Variants in FBXW4 observed in about 807,000 individuals in gnomAD.
FBXW4 encodes the protein F-box/WD repeat-containing protein 4.
Under a neutral mutation model 61.8 loss-of-function variants are expected in FBXW4, and 40 were observed. That is an observed-to-expected ratio of 0.65 (90% CI 0.50 to 0.84). The LOEUF is 0.84. Among genes scored for constraint, FBXW4 ranks in the 40% least tolerant of loss-of-function variants. FBXW4 has a pLI of 0.00. For missense variants in FBXW4, 672 were observed against 753.8 expected (o/e 0.89, Z 1.27); for synonymous variants, 311 against 313.8 (o/e 0.99, Z 0.10).
At chr10:101,618,510 T>C (rs1326884119) in intron 6 of FBXW4, among the ~76,000 whole-genome samples, 1 of 152,044 alleles carries the variant, frequency 6.6e-6, no homozygotes. Context: ...CCTGCCTTTG[T>C]TGAGAAAAGG....
rs953255673 is a variant in FBXW4 at position 101,673,463 on chromosome 10, G to A, written c.1007+25C>T. 11 of 1,612,062 alleles carry A rather than the reference G, an allele frequency of 6.8e-6. No individual in the cohort carries two copies. The Admixed American group carries it at 1.2e-4, about 17-fold the overall frequency. On this transcript the variant is annotated intron_variant, in intron 3 of 8. Transcript: ENST00000331272. ...CCCGAAGTATAAGATGGAAAAGGGT[G>A]GAAGGAGAAACCTATAGCACTTACC... is the stretch of plus-strand genomic sequence containing the variant.
chr10:101,669,770 T>TC (rs1446265898), intron 4 of FBXW4, among the ~76,000 whole-genome samples: 7 of 151,548 alleles, frequency 4.6e-5, no homozygotes, highest in Non-Finnish European at 1.0e-4. Flanking sequence ...TTTTTTTTTT[T>TC]TTGAGATGGA....
chr10:101,632,629 C>T (rs1589749180), intron 5 of FBXW4, among the ~76,000 whole-genome samples: 1 of 152,140 alleles, frequency 6.6e-6, no homozygotes. Flanking sequence ...CAAAAACTCT[C>T]AGTACAGTGG....
At chr10:101,655,044 G>C (rs1336686574) in intron 5 of FBXW4, among the ~76,000 whole-genome samples, 1 of 152,028 alleles carries the variant, frequency 6.6e-6, no homozygotes, top group East Asian at 1.9e-4. Flanking sequence ...TGCCCAAGCT[G>C]GTCTTGAGCT....
chr10:101,648,360 A>C (rs1302429597), intron 5 of FBXW4, among the ~76,000 whole-genome samples: 3 of 152,174 alleles, frequency 2.0e-5, no homozygotes, highest in African/African-American at 7.2e-5. Flanking sequence ...TCCCATCACA[A>C]AACAGTATCT....
At chr10:101,652,564 A>G (rs2064153969) in intron 5 of FBXW4, among the ~76,000 whole-genome samples, 1 of 152,202 alleles carries the variant, frequency 6.6e-6, no homozygotes, top group Non-Finnish European at 1.5e-5. Context: ...GACAGGGTAG[A>G]ACAATAGAAA....
chr10:101,695,176 G>C, upstream of FBXW4: 1 of 985,458 alleles, frequency 1.0e-6, no homozygotes, highest in Middle Eastern at 5.2e-4. This position sits in a 1 kb window ranked among gnomAD's most constrained non-coding sequence, Gnocchi z 4.2. Context: ...GGGAGGAGGC[G>C]ACACCATGTC....
intron 5 of FBXW4, among the ~76,000 whole-genome samples, chr10:101,630,739 T>C (rs1308796380): frequency 1.3e-5 from 2 of 151,688 alleles, no homozygotes; most frequent in African/African-American, 4.9e-5. Flanking sequence ...GGTGAAAGTG[T>C]GAGACAACCA....
chr10:101,672,129 AACCT>A (rs2064363064), intron 4 of FBXW4, among the ~76,000 whole-genome samples: 1 of 152,160 alleles, frequency 6.6e-6, no homozygotes, highest in Non-Finnish European at 1.5e-5. Flanking sequence ...AGCACTATGG[AACCT>A]AGATGCTAGG....
intron 5 of FBXW4, among the ~76,000 whole-genome samples, chr10:101,660,835 G>C (rs1401389876): frequency 6.6e-6 from 1 of 152,202 alleles, no homozygotes; most frequent in African/African-American, 2.4e-5. Context: ...CCAAGGCCCT[G>C]TCTCAACCTC....
At chr10:101,625,055 C>A in intron 5 of FBXW4, 1 of 571,252 alleles carries the variant, frequency 1.8e-6, no homozygotes. Flanking sequence ...GCCTGCTGCA[C>A]AGACTAGGTT....
chr10:101,626,178 G>C (rs971656079), intron 5 of FBXW4: 4 of 152,554 alleles, frequency 2.6e-5, no homozygotes, highest in African/African-American at 9.7e-5. Flanking sequence ...CATCATCCTA[G>C]CTTCTTCAAG....
chr10:101,678,906 G>A lies in FBXW4; in HGVS notation c.726-2470C>T, dbSNP rs1422248779. 2.0e-5 allele frequency among the ~76,000 whole-genome samples: 3 copies of A among 152,064 alleles called. No individual in the cohort carries two copies. In the East Asian group the frequency reaches 5.8e-4, roughly 29 times the overall value. Reference sequence around the variant, plus strand: ...TAGCTAAATAATATTCTGCCTCCTGGTGTTATTTCACTTATTTATTCATAT... The same window carrying A: ...TAGCTAAATAATATTCTGCCTCCTGATGTTATTTCACTTATTTATTCATAT... On this transcript the variant is annotated intron_variant, in intron 1 of 8. Transcript: ENST00000331272.
chr10:101,690,205 CCT>C (rs2064580891), intron 1 of FBXW4, among the ~76,000 whole-genome samples: 1 of 152,188 alleles, frequency 6.6e-6, no homozygotes, highest in African/African-American at 2.4e-5. Flanking sequence ...CTGTTCTTCC[CCT>C]GTCATAATGT....
intron 1 of FBXW4, among the ~76,000 whole-genome samples, chr10:101,687,763 C>G (rs1478652409): frequency 6.6e-6 from 1 of 152,166 alleles, no homozygotes; most frequent in African/African-American, 2.4e-5. Flanking sequence ...AATGGCTACC[C>G]TACACCCCAG....
chr10:101,688,746 A>G (rs956058945), intron 1 of FBXW4, among the ~76,000 whole-genome samples: 3 of 152,222 alleles, frequency 2.0e-5, no homozygotes, highest in Admixed American at 2.0e-4. Flanking sequence ...CCTGAGGTAA[A>G]TTCTGAAGCT....
intron 1 of FBXW4, among the ~76,000 whole-genome samples, chr10:101,691,325 C>T (rs950301875): frequency 7.2e-5 from 11 of 152,142 alleles, no homozygotes; most frequent in African/African-American, 9.7e-5. Context: ...TGTCCAGAAA[C>T]GGACCACACT....
chr10:101,669,194 GA>G (rs2064335191), intron 4 of FBXW4, among the ~76,000 whole-genome samples: 1 of 152,140 alleles, frequency 6.6e-6, no homozygotes, highest in Non-Finnish European at 1.5e-5. Context: ...AACATACTAA[GA>G]GGATCCTAAA....
intron 5 of FBXW4, among the ~76,000 whole-genome samples, chr10:101,641,079 C>T (rs1033624720): frequency 1.3e-5 from 2 of 152,162 alleles, no homozygotes; most frequent in Admixed American, 6.5e-5. Flanking sequence ...GATCCACCCA[C>T]CTCGGCCTCC....
Sources: gnomAD v4.1 joint callset for allele counts (sites outside exome capture counted in the v4.1 genomes callset) on GRCh38, gnomAD v4.1.1 for gene constraint, Gnocchi (gnomAD v3.1) non-coding constraint, MANE v1.5 for transcripts, NCBI Gene and HGNC (gene_info 2026-07-23, HGNC 2026-07-21) for gene names.